Variants in ARHGAP39 observed in about 807,000 individuals in gnomAD.
The protein encoded by ARHGAP39 is rho GTPase-activating protein 39.
A neutral mutation model predicts 106.9 loss-of-function variants in ARHGAP39; 44 were observed. The observed-to-expected ratio is 0.41, with a 90% CI of 0.32 to 0.53. The LOEUF is 0.53. Among genes scored for constraint, ARHGAP39 ranks in the 20% least tolerant of loss-of-function variants. The probability of loss-of-function intolerance (pLI) is 0.21; values close to 1 mark genes in which losing one functional copy is unlikely to be tolerated. For synonymous variants in ARHGAP39, 768 were observed against 693.2 expected, an observed-to-expected ratio of 1.11 and a Z score of -1.69; for missense variants, 1,496 against 1,577.3, an observed-to-expected ratio of 0.95 and a Z score of 0.87.
intron 1 of ARHGAP39, among the ~76,000 whole-genome samples, chr8:144,609,670 G>T (rs1820421359): frequency 2.0e-5 from 3 of 151,996 alleles, no homozygotes; most frequent in African/African-American, 7.2e-5. Flanking sequence ...CAAAGTTGTT[G>T]GGATTACAGG....
chr8:144,589,233 TAAAA>T (rs1211025366), intron 2 of ARHGAP39, among the ~76,000 whole-genome samples: 1 of 152,160 alleles, frequency 6.6e-6, no homozygotes, highest in Non-Finnish European at 1.5e-5. Context: ...AAAGTTTGCT[TAAAA>T]AAAGTAAGTA....
At chr8:144,612,852 C>CA (rs764477641) in intron 1 of ARHGAP39, among the ~76,000 whole-genome samples, 42 of 151,806 alleles carry the variant, frequency 2.8e-4, no homozygotes, top group Admixed American at 1.5e-3. Flanking sequence ...GATCCTGTCT[C>CA]AAAAAAAAAG....
intron 2 of ARHGAP39, among the ~76,000 whole-genome samples, chr8:144,595,702 T>G (rs931937967): frequency 1.3e-5 from 2 of 151,724 alleles, no homozygotes; most frequent in African/African-American, 4.8e-5. Context: ...GCCACCAGGG[T>G]CCACGATGGC....
At chr8:144,542,358 A>C (rs1177267133) in intron 6 of ARHGAP39, among the ~76,000 whole-genome samples, 1 of 151,970 alleles carries the variant, frequency 6.6e-6, no homozygotes, top group Non-Finnish European at 1.5e-5. Flanking sequence ...TGGTGACCAC[A>C]CAGTGCAGGT....
At chr8:144,537,639 G>C in intron 7 of ARHGAP39, 82 bp downstream of exon 7, 1 of 1,135,102 alleles carries the variant, frequency 8.8e-7, no homozygotes, top group Non-Finnish European at 1.3e-6. Flanking sequence ...GAAGCGGTTA[G>C]AGAAGAGAAG....
chr8:144,552,963 T>C (rs2721160), intron 4 of ARHGAP39, among the ~76,000 whole-genome samples: 129,480 of 152,216 alleles, frequency 0.85, 55,362 homozygotes, highest in South Asian at 0.92. Flanking sequence ...TCCAAGGCCT[T>C]CCGAGCCCAG....
chr8:144,673,018 A>G (rs549107962), intron 1 of ARHGAP39, among the ~76,000 whole-genome samples: 1 of 152,148 alleles, frequency 6.6e-6, no homozygotes, highest in Admixed American at 6.5e-5. Context: ...AGAGTTCAAA[A>G]CCAGTCTGGG....
At chr8:144,688,776 G>A (rs1822686152), upstream of ARHGAP39, among the ~76,000 whole-genome samples, 1 of 152,144 alleles carries the variant, frequency 6.6e-6, no homozygotes, top group South Asian at 2.1e-4. Flanking sequence ...TCGTGGACCA[G>A]GTGGTATAAC....
At chr8:144,615,277 G>A (rs1420579637) in intron 1 of ARHGAP39, among the ~76,000 whole-genome samples, 1 of 152,110 alleles carries the variant, frequency 6.6e-6, no homozygotes, top group Non-Finnish European at 1.5e-5. Flanking sequence ...CTATGACTGT[G>A]GCACTGCGCT....
Position 144,548,447 on chromosome 8 carries a change from C to G in ARHGAP39, c.639G>C (p.Met213Ile), listed in dbSNP as rs1817567506. The G allele has an allele frequency of 6.2e-7, 1 of 1,610,772 alleles. No homozygotes were observed. Among genetic ancestry groups the G allele is most frequent in the East Asian group, 2.2e-5 (1 of 44,862 alleles). Residue 213 changes from methionine to isoleucine, a missense_variant, in exon 5 of 12, where the codon ATG becomes ATC. Transcript: ENST00000377307. The surrounding 1 kb of genome is among the most constrained non-coding windows in gnomAD (Gnocchi z 7.4). ...GCTCCCGATCAGCGACCTTGATGAG[C>G]ATGCGCTCTTTGGCGCCCGAGTTCC... is the stretch of plus-strand genomic sequence containing the variant. Reference protein sequence around the residue: ...LRWNSGAKERMLIKVADREPS... With the variant: ...LRWNSGAKERILIKVADREPS...
chr8:144,543,420 A>G (rs1817277604), intron 6 of ARHGAP39, among the ~76,000 whole-genome samples: 1 of 152,202 alleles, frequency 6.6e-6, no homozygotes, highest in South Asian at 2.1e-4. Context: ...CTCAGGGCCA[A>G]TCAGGGACCC....
At chr8:144,657,578 C>A (rs149011408) in intron 1 of ARHGAP39, among the ~76,000 whole-genome samples, 3 of 152,174 alleles carry the variant, frequency 2.0e-5, no homozygotes, top group Admixed American at 1.3e-4. Context: ...ACCACAGATA[C>A]AAACATCCTT....
At chr8:144,665,130 T>C (rs1306033612) in intron 1 of ARHGAP39, among the ~76,000 whole-genome samples, 2 of 152,236 alleles carry the variant, frequency 1.3e-5, no homozygotes, top group African/African-American at 4.8e-5. Flanking sequence ...ACTCTCTTGT[T>C]ATGTTTTAGC....
At chr8:144,598,311 C>T (rs986306099) in intron 2 of ARHGAP39, among the ~76,000 whole-genome samples, 3 of 152,018 alleles carry the variant, frequency 2.0e-5, no homozygotes, top group East Asian at 1.9e-4. Context: ...GGCTTTTCCA[C>T]GTTGTGTGTA....
chr8:144,602,851 TGA>T (rs1820097071), intron 2 of ARHGAP39, among the ~76,000 whole-genome samples: 1 of 125,384 alleles, frequency 8.0e-6, no homozygotes. Context: ...GGCGTGCGTG[TGA>T]GCTCGTGTAC....
At position 144,604,191 on chromosome 8, in the gene ARHGAP39, C is replaced by T. The variant is rs117823094; in HGVS notation, c.80+1344G>A. ...CGGGCCCAGAGCGCCCAGAGGTGGC[C>T]GGGAGGCAGCAGCTGCACCTCGGGG... On this transcript the variant is annotated intron_variant, in intron 2 of 11. Transcript: ENST00000377307. The surrounding 1 kb of genome is among the most constrained non-coding windows in gnomAD (Gnocchi z 4.1). Among the ~76,000 whole-genome samples, 3,881 of 152,212 alleles carry T rather than the reference C, an allele frequency of 0.025. 92 individuals are homozygous for T. Among genetic ancestry groups the T allele is most frequent in the Admixed American group, 0.066 (1,005 of 15,294 alleles).
At chr8:144,639,864 A>T (rs1821267124) in intron 1 of ARHGAP39, among the ~76,000 whole-genome samples, 1 of 152,162 alleles carries the variant, frequency 6.6e-6, no homozygotes, top group South Asian at 2.1e-4. Flanking sequence ...ACATCCTCAC[A>T]CAATAGCCTG....
chr8:144,622,245 G>C (rs1820825506), intron 1 of ARHGAP39, among the ~76,000 whole-genome samples: 1 of 152,120 alleles, frequency 6.6e-6, no homozygotes, highest in East Asian at 1.9e-4. Flanking sequence ...GAGGAGCGGA[G>C]GCTGAGTGGC....
chr8:144,575,551 C>T (rs1271399088), intron 3 of ARHGAP39, among the ~76,000 whole-genome samples: 1 of 152,212 alleles, frequency 6.6e-6, no homozygotes, highest in Non-Finnish European at 1.5e-5. Context: ...ACACCACCGT[C>T]TTCCCATTGC....
Sources: allele counts gnomAD v4.1 joint callset (sites outside exome capture counted in the v4.1 genomes callset), GRCh38; gene constraint gnomAD v4.1.1; non-coding constraint Gnocchi (gnomAD v3.1); transcripts MANE v1.5; gene names NCBI Gene and HGNC (gene_info 2026-07-23, HGNC 2026-07-21).